GALNT18: variants seen among roughly 807,000 people sequenced by gnomAD.
The protein encoded by GALNT18 is polypeptide N-acetylgalactosaminyltransferase 18.
A neutral mutation model predicts 69.5 loss-of-function variants in GALNT18; 44 were observed. That is an observed-to-expected ratio of 0.63 (90% confidence interval 0.50 to 0.81). The LOEUF (loss-of-function observed/expected upper bound fraction) is 0.81, where lower values mean the gene tolerates loss of function less well. Ranked by LOEUF, GALNT18 falls within the 40% of genes least tolerant of loss-of-function variation. The pLI, the probability that GALNT18 is intolerant of heterozygous loss-of-function variation, is 0.00. For missense variants in GALNT18, 715 were observed against 810.0 expected (o/e 0.88, Z 1.42); for synonymous variants, 364 against 318.2 (o/e 1.14, Z -1.53).
At chr11:11,453,519 C>A (rs1855852293) in intron 1 of GALNT18, among the ~76,000 whole-genome samples, 1 of 152,172 alleles carries the variant, frequency 6.6e-6, no homozygotes. Context: ...CAGCCCTCTC[C>A]CCAGTTTTTA....
chr11:11,304,611 C>G (rs1849549080), intron 9 of GALNT18, among the ~76,000 whole-genome samples: 1 of 152,196 alleles, frequency 6.6e-6, no homozygotes, highest in African/African-American at 2.4e-5. Flanking sequence ...ACAGTCAATT[C>G]ATACTTCTTA....
rs372239180 is a variant in GALNT18 at position 11,271,222 on chromosome 11, G to A, written c.1746C>T (p.Phe582=). 46 of 1,613,952 alleles carry A rather than the reference G, an allele frequency of 2.9e-5. No individual in the cohort carries two copies. Among genetic ancestry groups the A allele is most frequent in the South Asian group, 6.6e-5 (6 of 91,078 alleles). ...ACTTCTGCAACACCAGCTGGAAGCC[G>A]AACTCCAGGTCGCTATTCTCCTGCA... ...LELQENSDLE[F]GFQLVLQKCS... is the part of the protein sequence containing the mutation. The change falls in exon 11 of 11, where the codon TTC becomes TTT. Residue 582 remains phenylalanine, a synonymous_variant. Coordinates refer to ENST00000227756, the MANE Select transcript of GALNT18 (RefSeq NM_198516.3).
intron 1 of GALNT18, among the ~76,000 whole-genome samples, chr11:11,489,018 G>A (rs1856703063): frequency 6.6e-6 from 1 of 152,224 alleles, no homozygotes; most frequent in Non-Finnish European, 1.5e-5. Flanking sequence ...AAATTAAGGA[G>A]CAACATTAGA....
intron 6 of GALNT18, among the ~76,000 whole-genome samples, chr11:11,368,531 A>AT (rs1180406169): frequency 3.9e-5 from 6 of 151,908 alleles, no homozygotes; most frequent in African/African-American, 1.2e-4. Flanking sequence ...TTTTTTCACA[A>AT]TTTTTTCTGG....
chr11:11,321,450 G>T (rs1276484601), intron 9 of GALNT18, among the ~76,000 whole-genome samples: 1 of 152,192 alleles, frequency 6.6e-6, no homozygotes, highest in Non-Finnish European at 1.5e-5. Flanking sequence ...CAAAATAAAG[G>T]CCCAGAGAAG....
chr11:11,498,692 G>A (rs1302625812), intron 1 of GALNT18, among the ~76,000 whole-genome samples: 2 of 152,168 alleles, frequency 1.3e-5, no homozygotes, highest in South Asian at 4.1e-4. Context: ...CCAGCTACTG[G>A]GGAGGCTGAG....
chr11:11,615,507 G>A (rs1860022250), intron 1 of GALNT18, among the ~76,000 whole-genome samples: 2 of 152,022 alleles, frequency 1.3e-5, no homozygotes, highest in Non-Finnish European at 2.9e-5. Flanking sequence ...GTATTCAGAA[G>A]GGTAAATAGA....
chr11:11,303,289 G>A (rs966722812), intron 9 of GALNT18, among the ~76,000 whole-genome samples: 4 of 152,098 alleles, frequency 2.6e-5, no homozygotes, highest in South Asian at 4.1e-4. Flanking sequence ...TTCCCTACAG[G>A]CCTCCAGAAA....
At chr11:11,520,771 C>T (rs1590069177) in intron 1 of GALNT18, among the ~76,000 whole-genome samples, 1 of 152,210 alleles carries the variant, frequency 6.6e-6, no homozygotes, top group Admixed American at 6.5e-5. Context: ...AGTGAAGGAA[C>T]CCCTTCCTGG....
In GALNT18 at chr11:11,621,595, C is replaced by G; in HGVS notation, c.-2G>C. The G allele has an allele frequency of 6.3e-7, 1 of 1,584,116 alleles. No homozygotes were observed. The highest frequency in any genetic ancestry group is 1.1e-5 in the South Asian group (1 of 88,140). On this transcript the variant is annotated 5_prime_UTR_variant, in exon 1 of 11. Coordinates refer to ENST00000227756, the MANE Select transcript of GALNT18 (RefSeq NM_198516.3). This position sits in a 1 kb window ranked among gnomAD's most constrained non-coding sequence, Gnocchi z 9.3. ...TTTGGTCTTCCTGGTGCACACCATT[C>G]TGGGCTCCTTCCTCCATATAGAGCT...
At chr11:11,355,337 C>T (rs1390688025) in intron 6 of GALNT18, among the ~76,000 whole-genome samples, 2 of 152,162 alleles carry the variant, frequency 1.3e-5, no homozygotes, top group Non-Finnish European at 2.9e-5. Flanking sequence ...TTGTCTCCCC[C>T]TTCCTCAAAT....
intron 1 of GALNT18, among the ~76,000 whole-genome samples, chr11:11,460,049 C>T (rs1014494210): frequency 1.2e-4 from 19 of 152,172 alleles, no homozygotes; most frequent in African/African-American, 4.6e-4. Flanking sequence ...AGCACTCTGA[C>T]CTTCTCTTCA....
At chr11:11,449,859 T>C (rs904349138) in intron 1 of GALNT18, among the ~76,000 whole-genome samples, 1 of 152,154 alleles carries the variant, frequency 6.6e-6, no homozygotes, top group Non-Finnish European at 1.5e-5. Flanking sequence ...ATAAAGTGTA[T>C]AAAGCATTTA....
chr11:11,403,835 G>C (rs1854523895), intron 3 of GALNT18, among the ~76,000 whole-genome samples: 1 of 152,240 alleles, frequency 6.6e-6, no homozygotes, highest in South Asian at 2.1e-4. Flanking sequence ...GTAGGACACA[G>C]TGCTCCGTGA....
At chr11:11,535,709 G>C (rs1243912871) in intron 1 of GALNT18, among the ~76,000 whole-genome samples, 1 of 152,202 alleles carries the variant, frequency 6.6e-6, no homozygotes. Flanking sequence ...TTGCCCGCCT[G>C]CCTAGATCCT....
intron 1 of GALNT18, among the ~76,000 whole-genome samples, chr11:11,594,842 C>CATAT (rs1190742812): frequency 1.9e-4 from 22 of 115,692 alleles, no homozygotes; most frequent in African/African-American, 7.4e-4. Context: ...TATATATATA[C>CATAT]ACATATACAT....
At chr11:11,479,869 C>T (rs528542681) in intron 1 of GALNT18, among the ~76,000 whole-genome samples, 5 of 152,222 alleles carry the variant, frequency 3.3e-5, no homozygotes, top group South Asian at 2.1e-4. Context: ...GAAACATGAG[C>T]TCATTTAAAA....
In GALNT18 at chr11:11,413,223, C is replaced by T. The variant is rs1854771382; in HGVS notation, c.595+19398G>A. ...GCTAGAGAAGCTGGGACAAGCCCTG[C>T]ACCGTGTAGCTCAGGCCCTGTTTAG... On this transcript the variant is annotated intron_variant, in intron 3 of 10. Transcript: ENST00000227756. This position sits in a 1 kb window ranked among gnomAD's most constrained non-coding sequence, Gnocchi z 4.7. Among the ~76,000 whole-genome samples, 1 of 152,210 alleles carries T rather than the reference C, an allele frequency of 6.6e-6. No homozygotes were observed. Among genetic ancestry groups the T allele is most frequent in the South Asian group, 2.1e-4 (1 of 4,832 alleles).
chr11:11,502,070 A>G (rs1247928810), intron 1 of GALNT18, among the ~76,000 whole-genome samples: 1 of 152,192 alleles, frequency 6.6e-6, no homozygotes, highest in African/African-American at 2.4e-5. Context: ...GGCCCAAAGC[A>G]GGAAGTCTGC....
Sources: allele counts gnomAD v4.1 joint callset (sites outside exome capture counted in the v4.1 genomes callset), GRCh38; gene constraint gnomAD v4.1.1; non-coding constraint Gnocchi (gnomAD v3.1); transcripts MANE v1.5; gene names NCBI Gene and HGNC (gene_info 2026-07-23, HGNC 2026-07-21).